Variants in CAMK1D observed in about 807,000 individuals in gnomAD.
CAMK1D encodes calcium/calmodulin-dependent protein kinase type 1D.
CAMK1D carries 9 observed loss-of-function variants against 47.7 expected under a neutral mutation model. The observed-to-expected ratio is 0.19, with a 90% CI of 0.11 to 0.33. The LOEUF (loss-of-function observed/expected upper bound fraction) is 0.33. Ranked by LOEUF, CAMK1D falls within the 10% of genes least tolerant of loss-of-function variation. The pLI is 1.00. For missense variants in CAMK1D, 291 were observed against 488.7 expected (o/e 0.60, Z 3.81); for synonymous variants, 184 against 184.9 (o/e 0.99, Z 0.04).
At chr10:12,767,860 C>G (rs1433780856) in intron 4 of CAMK1D, among the ~76,000 whole-genome samples, 1 of 152,092 alleles carries the variant, frequency 6.6e-6, no homozygotes, top group Non-Finnish European at 1.5e-5. Context: ...AGAGGGAGGA[C>G]TTTGAGTTAG....
intron 1 of CAMK1D, among the ~76,000 whole-genome samples, chr10:12,419,181 A>T (rs1358665992): frequency 1.3e-5 from 2 of 152,074 alleles, no homozygotes; most frequent in Admixed American, 6.6e-5. Context: ...TAATGACTTT[A>T]CCATATATTT....
intron 2 of CAMK1D, among the ~76,000 whole-genome samples, chr10:12,627,829 C>T (rs548822514): frequency 8.5e-5 from 13 of 152,168 alleles, no homozygotes; most frequent in Non-Finnish European, 1.6e-4. Flanking sequence ...GCCTGTAGTC[C>T]GAAATTTTGG....
At chr10:12,681,505 G>A (rs1463605006) in intron 3 of CAMK1D, among the ~76,000 whole-genome samples, 1 of 152,282 alleles carries the variant, frequency 6.6e-6, no homozygotes, top group South Asian at 2.1e-4. Flanking sequence ...CACATTGTCG[G>A]ATGAGTGGCA....
chr10:12,507,942 C>T (rs1389560203), intron 1 of CAMK1D, among the ~76,000 whole-genome samples: 1 of 152,172 alleles, frequency 6.6e-6, no homozygotes, highest in African/African-American at 2.4e-5. Context: ...ACACACTTTC[C>T]AGGCCACATT....
At chr10:12,669,580 C>T (rs1210822155) in intron 3 of CAMK1D, among the ~76,000 whole-genome samples, 1 of 152,010 alleles carries the variant, frequency 6.6e-6, no homozygotes, top group Non-Finnish European at 1.5e-5. Flanking sequence ...TTTAAATGGA[C>T]ACTTCAGTGA....
chr10:12,825,452 C>T, intron 9 of CAMK1D, 121 bp from the exon 10 acceptor site: 1 of 896,654 alleles, frequency 1.1e-6, no homozygotes, highest in Non-Finnish European at 1.7e-6. Flanking sequence ...TCTTGAGTAG[C>T]ATGAGAATGA....
At chr10:12,623,278 TTCCTTC>T (rs2132445513) in intron 2 of CAMK1D, among the ~76,000 whole-genome samples, 4 of 12,726 alleles carry the variant, frequency 3.1e-4, no homozygotes, top group East Asian at 2.0e-3. Context: ...CCTCCCTCCC[TTCCTTC>T]CTCCCTCCTT....
In CAMK1D at chr10:12,835,069, G is replaced by A. The variant is rs971895991; in HGVS notation, c.*6182G>A. 6 of 152,214 alleles carry A rather than the reference G, an allele frequency of 3.9e-5. No homozygotes were observed. The highest frequency in any genetic ancestry group is 7.2e-5 in the African/African-American group (3 of 41,462). The allele number at this position is 152,214 out of a possible 1,614,324, so 9.4% of individuals were successfully genotyped here. ...GAGTCTTTGCTTCGAAAGATGGGGC[G>A]CCATGTTTCAGAGAACATTTATCTT... On this transcript the variant is annotated 3_prime_UTR_variant, in exon 11 of 11. Coordinates refer to ENST00000619168, the MANE Select transcript of CAMK1D (RefSeq NM_153498.4).
At chr10:12,671,911 C>CT (rs773722384) in intron 3 of CAMK1D, among the ~76,000 whole-genome samples, 6,156 of 98,904 alleles carry the variant, frequency 0.062, 235 homozygotes, top group African/African-American at 0.078. Context: ...TCACCTAATT[C>CT]TTTTTTTTTT....
intron 1 of CAMK1D, among the ~76,000 whole-genome samples, chr10:12,423,498 G>C (rs1840126300): frequency 6.6e-6 from 1 of 151,316 alleles, no homozygotes; most frequent in African/African-American, 2.4e-5. Flanking sequence ...CCAGGGGACA[G>C]AGTGAGTCTG....
chr10:12,480,303 C>T (rs1034623111), intron 1 of CAMK1D, among the ~76,000 whole-genome samples: 5 of 152,070 alleles, frequency 3.3e-5, no homozygotes, highest in African/African-American at 7.2e-5. Context: ...GACGTGATAG[C>T]GCACGCCTGC....
At chr10:12,568,158 TTCCCTCCCTCCCTCCC>T (rs1238037708) in intron 2 of CAMK1D, among the ~76,000 whole-genome samples, 2 of 60,040 alleles carry the variant, frequency 3.3e-5, no homozygotes, top group Non-Finnish European at 6.1e-5. Context: ...CCCTGTTTCC[TTCCCTCCCTCCCTCCC>T]TCCCTCCCTC....
Position 12,561,545 on chromosome 10 carries a change from A to T in CAMK1D, c.224+8189A>T, listed in dbSNP as rs895127077. 7.9e-5 allele frequency among the ~76,000 whole-genome samples: 12 copies of T among 151,878 alleles called. No homozygotes were observed. In the East Asian group the frequency reaches 2.3e-3, roughly 29 times the overall value. ...CATACCTACACTTTCGTATTCTGGG[A>T]GCTGTGCTGAACTTTCCCCTAAGTC... On this transcript the variant is annotated intron_variant, in intron 2 of 10. Coordinates refer to ENST00000619168, the MANE Select transcript of CAMK1D (RefSeq NM_153498.4).
At chr10:12,380,689 T>C (rs1838315983) in intron 1 of CAMK1D, among the ~76,000 whole-genome samples, 1 of 152,094 alleles carries the variant, frequency 6.6e-6, no homozygotes, top group South Asian at 2.1e-4. Flanking sequence ...ACCCCATCTC[T>C]ACTAAAAACA....
chr10:12,830,473 C>T lies in CAMK1D; in HGVS notation c.*1586C>T, dbSNP rs756935517. On this transcript the variant is annotated 3_prime_UTR_variant, in exon 11 of 11. Transcript: ENST00000619168. ...TCAGGGGAGTCTAAAATCAAAGATA[C>T]ATGGTGGTAGGGTCACCAAACGTCC... 2.6e-5 allele frequency: 4 copies of T among 152,224 alleles called. No homozygotes were observed. The highest frequency in any genetic ancestry group is 5.9e-5 in the Non-Finnish European group (4 of 68,080). 9.4% of individuals were successfully genotyped at this position (152,224 alleles called of 1,614,324 possible).
At chr10:12,649,553 A>G (rs1015214353) in intron 2 of CAMK1D, among the ~76,000 whole-genome samples, 1 of 152,248 alleles carries the variant, frequency 6.6e-6, no homozygotes, top group Non-Finnish European at 1.5e-5. Context: ...GTATTCAGTC[A>G]ATGGTATTCT....
chr10:12,580,337 CCTTT>C (rs1837624301), intron 2 of CAMK1D, among the ~76,000 whole-genome samples: 1 of 107,292 alleles, frequency 9.3e-6, no homozygotes, highest in Non-Finnish European at 1.7e-5. Flanking sequence ...TCCCTTCCTT[CCTTT>C]TTTTTTTTTT....
chr10:12,769,605 A>G, intron 4 of CAMK1D, 68 bp from the exon 5 acceptor site: 1 of 1,563,016 alleles, frequency 6.4e-7, no homozygotes, highest in South Asian at 1.2e-5. Flanking sequence ...TTGCAGCTGA[A>G]TGAGTCTTCC....
intron 10 of CAMK1D, among the ~76,000 whole-genome samples, chr10:12,826,741 A>C (rs1156603425): frequency 6.6e-6 from 1 of 152,120 alleles, no homozygotes; most frequent in Admixed American, 6.6e-5. Context: ...CCAGCCCTTA[A>C]ATTTTCCCAA....
Sources: allele counts gnomAD v4.1 joint callset (sites outside exome capture counted in the v4.1 genomes callset), GRCh38; gene constraint gnomAD v4.1.1; transcripts MANE v1.5; gene names NCBI Gene and HGNC (gene_info 2026-07-23, HGNC 2026-07-21).